Variants in DCAF10 observed in about 807,000 individuals in gnomAD.
DCAF10 encodes the protein DDB1 and CUL4 associated factor 10.
A neutral mutation model predicts 51.9 loss-of-function variants in DCAF10; 19 were observed. That is an observed-to-expected ratio of 0.37 (90% CI 0.26 to 0.54). DCAF10 has a LOEUF of 0.54. DCAF10 is among the 20% of genes least tolerant of loss of function. The pLI is 0.87. For missense variants in DCAF10, 510 were observed against 730.6 expected (o/e 0.70, Z 3.48); for synonymous variants, 291 against 297.1 (o/e 0.98, Z 0.21).
At chr9:37,816,646 C>CATCT (rs1327610675) in intron 1 of DCAF10, among the ~76,000 whole-genome samples, 1 of 125,826 alleles carries the variant, frequency 7.9e-6, no homozygotes, top group East Asian at 2.2e-4. Context: ...TCTCAATTAA[C>CATCT]ATCTGCACCT....
intron 1 of DCAF10, among the ~76,000 whole-genome samples, chr9:37,810,412 A>C (rs1465454521): frequency 1.3e-5 from 2 of 152,164 alleles, no homozygotes; most frequent in African/African-American, 4.8e-5. Flanking sequence ...TGTCAATCTC[A>C]AAAGCAGCAG....
chr9:37,802,090 T>C (rs754113005), intron 1 of DCAF10, among the ~76,000 whole-genome samples: 5 of 152,162 alleles, frequency 3.3e-5, no homozygotes, highest in African/African-American at 7.2e-5. Flanking sequence ...ATGTGCACAG[T>C]TCCACCATGA....
At chr9:37,822,267 T>C (rs764798631) in intron 2 of DCAF10, among the ~76,000 whole-genome samples, 106 of 152,048 alleles carry the variant, frequency 7.0e-4, no homozygotes, top group Non-Finnish European at 1.3e-3. Flanking sequence ...CACTACTGGG[T>C]ATCTACCCAG....
At chr9:37,834,874 C>T (rs558403954) in intron 2 of DCAF10, among the ~76,000 whole-genome samples, 30 of 151,570 alleles carry the variant, frequency 2.0e-4, no homozygotes, top group African/African-American at 6.1e-4. Flanking sequence ...CTGCAACCTC[C>T]GCCTCCCTGG....
chr9:37,821,104 T>TATATATATATAC lies in DCAF10; in HGVS notation c.653+1704_653+1705insTATATATATACA, dbSNP rs61079738. Among the ~76,000 whole-genome samples the TATATATATATAC allele has an allele frequency of 9.8e-5, 13 of 132,306 alleles. No individual in the cohort carries two copies. The Admixed American group carries it at 9.9e-4, about 10-fold the overall frequency. 86.8% of individuals were successfully genotyped at this position (132,306 alleles called of 152,430 possible). On this transcript the variant is annotated intron_variant, in intron 2 of 6. Coordinates refer to ENST00000377724, the MANE Select transcript of DCAF10 (RefSeq NM_024345.5). ...GCATATACAAACATATATATATATA[T>TATATATATATAC]ACACACACACACACTCACACATATG...
rs923560247 is a variant in DCAF10 at position 37,865,963 on chromosome 9, C to T, written c.*4455C>T. ...AACACTCTAAGAATCTTTTAAAAGCCTAGTGTTTCCCTTATTTGTCAGAAT... is the reference window on the plus strand; with the variant it reads ...AACACTCTAAGAATCTTTTAAAAGCTTAGTGTTTCCCTTATTTGTCAGAAT... On this transcript the variant is annotated 3_prime_UTR_variant, in exon 7 of 7. Transcript: ENST00000377724. 8 of 152,568 alleles carry T rather than the reference C, an allele frequency of 5.2e-5. No individual in the cohort carries two copies. The highest frequency in any genetic ancestry group is 8.8e-5 in the Non-Finnish European group (6 of 68,006). The allele number at this position is 152,568 out of a possible 1,614,324, so 9.5% of individuals were successfully genotyped here. A position where few individuals can be genotyped will look rare whatever the true frequency, so the allele number is the denominator to read the frequency against.
At chr9:37,807,064 T>C (rs736979) in intron 1 of DCAF10, among the ~76,000 whole-genome samples, 19,446 of 152,220 alleles carry the variant, frequency 0.13, 1,392 homozygotes, top group Non-Finnish European at 0.16. Flanking sequence ...ATATTGACTA[T>C]ATGAAACTAA....
chr9:37,822,404 G>GATATATATATATATATATATATATATGT (rs1829729517), intron 2 of DCAF10, among the ~76,000 whole-genome samples: 1 of 124,574 alleles, frequency 8.0e-6, no homozygotes, highest in Non-Finnish European at 1.7e-5. Context: ...AAGAAACTGT[G>GATATATATATATATATATATATATATGT]ATATATATAT....
intron 1 of DCAF10, among the ~76,000 whole-genome samples, chr9:37,811,409 G>A (rs1829344462): frequency 6.6e-6 from 1 of 152,100 alleles, no homozygotes; most frequent in Admixed American, 6.5e-5. Flanking sequence ...ACAGTGACGA[G>A]CACTAGTACA....
rs139716267 is a variant in DCAF10 at position 37,847,322 on chromosome 9, A to G, written c.851+5036A>G. 3.6e-4 allele frequency among the ~76,000 whole-genome samples: 55 copies of G among 151,692 alleles called. No individual in the cohort carries two copies. In the East Asian group the frequency reaches 0.011, roughly 29 times the overall value. On this transcript the variant is annotated intron_variant, in intron 3 of 6. Transcript: ENST00000377724. The stretch of plus-strand genomic sequence containing the variant: ...TCCTAAAAAAAAAAAGGATGGAAAA[A>G]TCCTCAACAAAATATTAGCAAATCT...
In DCAF10 at chr9:37,852,648, C is replaced by A. The variant is rs12238323; in HGVS notation, c.852-2132C>A. On this transcript the variant is annotated intron_variant, in intron 3 of 6. Transcript: ENST00000377724. ...AGAACAGGCTGGGCATGGTGGCTCACGCCTATAATCCCAGCACTTTTGTAG... is the reference window on the plus strand; with the variant it reads ...AGAACAGGCTGGGCATGGTGGCTCAAGCCTATAATCCCAGCACTTTTGTAG... Among the ~76,000 whole-genome samples the A allele has an allele frequency of 2.5e-3, 387 of 152,016 alleles. 18 individuals carry two copies. The East Asian group carries it at 0.071, about 28-fold the overall frequency.
chr9:37,808,615 AAT>A (rs1180320842), intron 1 of DCAF10, among the ~76,000 whole-genome samples: 10 of 88,266 alleles, frequency 1.1e-4, no homozygotes, highest in Non-Finnish European at 1.8e-4. Flanking sequence ...ATAAAAATAT[AAT>A]ATATTTATAT....
chr9:37,846,440 ATTGAC>A (rs1830474434), intron 3 of DCAF10, among the ~76,000 whole-genome samples: 2 of 152,214 alleles, frequency 1.3e-5, no homozygotes, highest in South Asian at 4.1e-4. Flanking sequence ...AATTACTGAA[ATTGAC>A]TTAAGATAAA....
intron 1 of DCAF10, among the ~76,000 whole-genome samples, chr9:37,817,804 C>T (rs1458066747): frequency 6.6e-6 from 1 of 151,940 alleles, no homozygotes; most frequent in Non-Finnish European, 1.5e-5. Context: ...AAGTTCATTT[C>T]AGGGTTCTTC....
At position 37,801,174 on chromosome 9, in the gene DCAF10, G is replaced by C; in HGVS notation, c.308G>C (p.Arg103Thr). The C allele has an allele frequency of 6.5e-7, 1 of 1,541,554 alleles. No individual in the cohort carries two copies. The highest frequency in any genetic ancestry group is 8.7e-7 in the Non-Finnish European group (1 of 1,145,514). Residue 103 changes from arginine (R) to threonine (T), a missense_variant, in exon 1 of 7, where the codon AGG becomes ACG. Coordinates refer to ENST00000377724, the MANE Select transcript of DCAF10 (RefSeq NM_024345.5). The surrounding 1 kb of genome is among the most constrained non-coding windows in gnomAD (Gnocchi z 5.5). ...TGCCGGCGGCCCGGGCCAGACTGCA[G>C]GGCCAAGAGCCGGGGCCGACACGGC... ...PPCRRPGPDCRAKSRGRHGLG... is the reference protein window; with the variant it reads ...PPCRRPGPDCTAKSRGRHGLG...
chr9:37,839,871 G>C (rs1279532751), intron 2 of DCAF10, among the ~76,000 whole-genome samples: 1 of 152,094 alleles, frequency 6.6e-6, no homozygotes, highest in East Asian at 1.9e-4. Flanking sequence ...CATTTATTTT[G>C]TAAGTATTTG....
At chr9:37,825,216 C>T (rs1037656716) in intron 2 of DCAF10, among the ~76,000 whole-genome samples, 1 of 152,132 alleles carries the variant, frequency 6.6e-6, no homozygotes, top group Non-Finnish European at 1.5e-5. Context: ...AACTACCATT[C>T]GACCCAGCAG....
intron 1 of DCAF10, among the ~76,000 whole-genome samples, chr9:37,816,656 T>TG (rs201441275): frequency 7.0e-6 from 1 of 142,624 alleles, no homozygotes; most frequent in African/African-American, 2.9e-5. Flanking sequence ...CATCTGCACC[T>TG]GGGGTGTGTG....
intron 1 of DCAF10, among the ~76,000 whole-genome samples, chr9:37,812,528 T>TA (rs571358048): frequency 5.3e-4 from 81 of 152,276 alleles, no homozygotes; most frequent in African/African-American, 1.9e-3. Context: ...CAGAAACAGG[T>TA]AACAAAATTA....
Sources: allele counts gnomAD v4.1 joint callset (sites outside exome capture counted in the v4.1 genomes callset), GRCh38; gene constraint gnomAD v4.1.1; non-coding constraint Gnocchi (gnomAD v3.1); transcripts MANE v1.5; gene names NCBI Gene and HGNC (gene_info 2026-07-23, HGNC 2026-07-21).